The following TENM4 variants were observed in gnomAD, a reference collection of about 807,000 sequenced individuals.
The protein encoded by TENM4 is teneurin-4.
In TENM4, 82 loss-of-function variants were observed where a neutral mutation model predicts 243.3. That is an observed-to-expected ratio of 0.34 (90% CI 0.28 to 0.40). The LOEUF (loss-of-function observed/expected upper bound fraction) is 0.40, where lower values mean the gene tolerates loss of function less well. TENM4 is among the 10% of genes least tolerant of loss of function. TENM4 has a pLI of 1.00. For missense variants in TENM4, 3,138 were observed against 3,673.3 expected (o/e 0.85, Z 3.77); for synonymous variants, 1,412 against 1,456.3 (o/e 0.97, Z 0.69).
At chr11:78,908,910 A>G (rs1410431380) in intron 6 of TENM4, among the ~76,000 whole-genome samples, 1 of 152,212 alleles carries the variant, frequency 6.6e-6, no homozygotes, top group East Asian at 1.9e-4. Context: ...AAAGATGGGG[A>G]TAAGCCTCAT....
chr11:79,176,012 A>G (rs1863151772), intron 3 of TENM4, among the ~76,000 whole-genome samples: 1 of 152,158 alleles, frequency 6.6e-6, no homozygotes, highest in African/African-American at 2.4e-5. Context: ...GGATCACCTG[A>G]GCCCAGGAGG....
intron 6 of TENM4, among the ~76,000 whole-genome samples, chr11:78,970,922 G>A (rs191839164): frequency 5.8e-4 from 89 of 152,226 alleles, no homozygotes; most frequent in Admixed American, 1.8e-3. Flanking sequence ...GGTTATCACT[G>A]TTATGGGCAA....
intron 1 of TENM4, among the ~76,000 whole-genome samples, chr11:79,392,406 T>C (rs1858253665): frequency 6.6e-6 from 1 of 152,216 alleles, no homozygotes; most frequent in Non-Finnish European, 1.5e-5. Context: ...CTTGGGGCAT[T>C]GAAGTGACAG....
At chr11:79,332,350 C>T (rs1857074714) in intron 1 of TENM4, among the ~76,000 whole-genome samples, 1 of 152,170 alleles carries the variant, frequency 6.6e-6, no homozygotes, top group African/African-American at 2.4e-5. Flanking sequence ...AACCAAATGG[C>T]TTCAGAGGCC....
intron 3 of TENM4, among the ~76,000 whole-genome samples, chr11:79,153,715 C>T (rs769816191): frequency 1.3e-5 from 2 of 152,156 alleles, no homozygotes; most frequent in Admixed American, 1.3e-4. Flanking sequence ...GGTCCTTTCA[C>T]ACTGGGGCTC....
chr11:78,944,731 A>G (rs1269031414), intron 6 of TENM4, among the ~76,000 whole-genome samples: 7 of 152,126 alleles, frequency 4.6e-5, no homozygotes, highest in African/African-American at 1.4e-4. Flanking sequence ...AATGCTTTCT[A>G]TTTGCTAGGT....
chr11:79,089,127 G>A (rs1406464028), intron 4 of TENM4, among the ~76,000 whole-genome samples: 1 of 152,318 alleles, frequency 6.6e-6, no homozygotes, highest in South Asian at 2.1e-4. Flanking sequence ...CAATTACCTT[G>A]GGTCACTGTG....
At chr11:79,247,775 T>G (rs1855545431) in intron 2 of TENM4, among the ~76,000 whole-genome samples, 2 of 152,234 alleles carry the variant, frequency 1.3e-5, no homozygotes, top group South Asian at 4.1e-4. Context: ...ACTTACCTTC[T>G]GCAGTAAGGT....
chr11:78,988,342 G>C (rs1288466539), intron 6 of TENM4, among the ~76,000 whole-genome samples: 2 of 152,182 alleles, frequency 1.3e-5, no homozygotes, highest in African/African-American at 4.8e-5. Context: ...TGTAACCCTG[G>C]CTGACACAAA....
At chr11:79,220,317 C>A (rs956772183) in intron 2 of TENM4, among the ~76,000 whole-genome samples, 2 of 152,184 alleles carry the variant, frequency 1.3e-5, no homozygotes, top group Admixed American at 1.3e-4. Flanking sequence ...CTGTACTTGA[C>A]AATCAAGGGT....
At chr11:78,819,094 GA>G (rs1428247066) in intron 12 of TENM4, among the ~76,000 whole-genome samples, 1 of 152,026 alleles carries the variant, frequency 6.6e-6, no homozygotes, top group Admixed American at 6.6e-5. Context: ...TCTGGATATT[GA>G]ACAAAATGTT....
In TENM4 at chr11:78,863,085, G is replaced by T. The variant is rs1025280520; in HGVS notation, c.1132C>A (p.Gln378Lys). 3.3e-5 allele frequency: 50 copies of T among 1,532,308 alleles called. No homozygotes were observed. The highest frequency in any genetic ancestry group is 4.1e-5 in the Non-Finnish European group (47 of 1,132,790). 94.9% of individuals were successfully genotyped at this position (1,532,308 alleles called of 1,614,324 possible). The change falls in exon 10 of 34, where the codon CAG becomes AAG. Residue 378 changes from glutamine (Q) to lysine (K), a missense_variant. By Grantham distance (53) the Gln-to-Lys change is moderately conservative (BLOSUM62 1). Coordinates refer to ENST00000278550, the MANE Select transcript of TENM4 (RefSeq NM_001098816.3). ...LNWHLQPMEGQMYEITEDTAS... is the reference protein window; with the variant it reads ...LNWHLQPMEGKMYEITEDTAS... ...GTGTCCTCCGTGATCTCATACATCTGCCCCTCCATCGGCTGCAGGTGCCAG... is the reference window on the plus strand; with the variant it reads ...GTGTCCTCCGTGATCTCATACATCTTCCCCTCCATCGGCTGCAGGTGCCAG...
At chr11:78,956,716 CA>C (rs1287704691) in intron 6 of TENM4, among the ~76,000 whole-genome samples, 5 of 152,120 alleles carry the variant, frequency 3.3e-5, no homozygotes, top group African/African-American at 1.2e-4. Flanking sequence ...TCTGAAACCC[CA>C]AAACTCTGAG....
At chr11:79,066,730 G>GCGCACGCACACGCACGCACA (rs71050206) in intron 5 of TENM4, among the ~76,000 whole-genome samples, 3 of 150,720 alleles carry the variant, frequency 2.0e-5, no homozygotes, top group South Asian at 2.1e-4. Flanking sequence ...GAGCACACAC[G>GCGCACGCACACGCACGCACA]CGCACGCACA....
chr11:79,230,502 G>C (rs1345443038), intron 2 of TENM4, among the ~76,000 whole-genome samples: 7 of 152,170 alleles, frequency 4.6e-5, no homozygotes. Context: ...CCAAGGAGTG[G>C]GGTCCAGCCT....
intron 2 of TENM4, among the ~76,000 whole-genome samples, chr11:79,241,590 A>G (rs1855418247): frequency 6.6e-6 from 1 of 152,208 alleles, no homozygotes; most frequent in Non-Finnish European, 1.5e-5. Flanking sequence ...CAGAGTCGTC[A>G]TGGGAATTAA....
chr11:78,867,372 A>C (rs77830584), intron 9 of TENM4, among the ~76,000 whole-genome samples: 2,585 of 152,298 alleles, frequency 0.017, 89 homozygotes, highest in African/African-American at 0.059. Context: ...TCTTAAAGCC[A>C]AAATAAAGGG....
intron 19 of TENM4, among the ~76,000 whole-genome samples, chr11:78,750,595 G>C (rs1266770156): frequency 6.6e-6 from 1 of 150,660 alleles, no homozygotes; most frequent in Non-Finnish European, 1.5e-5. Flanking sequence ...CAGACGTGCA[G>C]TGAGAGTGAT....
At chr11:78,833,581 C>A (rs2136152659) in intron 12 of TENM4, among the ~76,000 whole-genome samples, 1 of 152,298 alleles carries the variant, frequency 6.6e-6, no homozygotes, top group Non-Finnish European at 1.5e-5. Flanking sequence ...CTCTGCCTGG[C>A]CACAGTCTGG....
Sources: gnomAD v4.1 joint callset for allele counts (sites outside exome capture counted in the v4.1 genomes callset) on GRCh38, gnomAD v4.1.1 for gene constraint, MANE v1.5 for transcripts, NCBI Gene and HGNC (gene_info 2026-07-23, HGNC 2026-07-21) for gene names.